Variants in CPAP observed in about 807,000 individuals in gnomAD.
CPAP encodes centrosomal P4.1-associated protein.
the CPAP span, chr13:24,924,945 CTA>C: frequency 2.0e-5 from 3 of 152,088 alleles, no homozygotes; most frequent in Non-Finnish European, 4.4e-5. Flanking sequence ...AAAAGAAAGA[CTA>C]TGTATGAAAA....
At chr13:24,884,313 G>A in the CPAP span, 1 of 1,614,098 alleles carries the variant, frequency 6.2e-7, no homozygotes, top group South Asian at 1.1e-5. Flanking sequence ...GAACACCTCT[G>A]GAAACATACC....
the CPAP span, among the ~76,000 whole-genome samples, chr13:24,918,741 T>A: frequency 0.022 from 3,412 of 152,264 alleles, 106 homozygotes; most frequent in East Asian, 0.081. Flanking sequence ...TTTATGATGA[T>A]CCACTTCCAC....
the CPAP span, among the ~76,000 whole-genome samples, chr13:24,894,668 A>T: frequency 1.3e-5 from 2 of 152,110 alleles, no homozygotes; most frequent in African/African-American, 4.8e-5. Flanking sequence ...AATGCCAGCC[A>T]GCGGTAAGGA....
At chr13:24,897,567 A>C in the CPAP span, among the ~76,000 whole-genome samples, 1 of 152,244 alleles carries the variant, frequency 6.6e-6, no homozygotes, top group Non-Finnish European at 1.5e-5. Flanking sequence ...ACAGAAATAC[A>C]TAGTGCTTAG....
chr13:24,912,965 T>A, the CPAP span: 7,505 of 1,614,092 alleles, frequency 4.6e-3, 260 homozygotes, highest in East Asian at 0.1. Context: ...GGATTGGTCA[T>A]CCACTGGGTT....
chr13:24,906,704 C>T, the CPAP span: 3 of 1,614,090 alleles, frequency 1.9e-6, no homozygotes, highest in Non-Finnish European at 2.5e-6. Flanking sequence ...ACTCTTGGTT[C>T]TAGCTTTACT....
the CPAP span, chr13:24,884,161 C>CTATT: frequency 5.0e-6 from 8 of 1,613,866 alleles, no homozygotes; most frequent in Non-Finnish European, 6.8e-6. Context: ...AAGTTTGTAC[C>CTATT]TATTTGTCCA....
chr13:24,906,675 G>A, the CPAP span: 1 of 1,614,168 alleles, frequency 6.2e-7, no homozygotes, highest in Non-Finnish European at 8.5e-7. Context: ...TTCGGCTTCT[G>A]ACTGAGGGTG....
chr13:24,892,575 A>C, the CPAP span: 1 of 1,232,166 alleles, frequency 8.1e-7, no homozygotes, highest in Non-Finnish European at 1.2e-6. Context: ...TTCTGACTCT[A>C]TGAATTTGAA....
the CPAP span, chr13:24,885,597 G>C: frequency 2.5e-6 from 4 of 1,591,842 alleles, no homozygotes; most frequent in Non-Finnish European, 8.6e-7. Flanking sequence ...TATAAAAACA[G>C]AGATTTACTT....
chr13:24,909,784 G>A, the CPAP span: 4 of 1,607,980 alleles, frequency 2.5e-6, no homozygotes, highest in South Asian at 3.3e-5. Flanking sequence ...AACATAAGTA[G>A]CTCACCTGTA....
At chr13:24,907,164 T>C in the CPAP span, 2 of 1,613,776 alleles carry the variant, frequency 1.2e-6, no homozygotes, top group Non-Finnish European at 1.7e-6. Context: ...AAAGGTCTGT[T>C]TCCTTTCTCC....
the CPAP span, among the ~76,000 whole-genome samples, chr13:24,893,049 C>T: frequency 6.6e-6 from 1 of 152,090 alleles, no homozygotes; most frequent in Non-Finnish European, 1.5e-5. Flanking sequence ...ATCAGAGTCT[C>T]ACCGCAGACC....
At chr13:24,884,465 T>TA in the CPAP span, 1 of 1,613,954 alleles carries the variant, frequency 6.2e-7, no homozygotes, top group Non-Finnish European at 8.5e-7. Flanking sequence ...CTTTTCCACC[T>TA]AAAAAACCAA....
the CPAP span, among the ~76,000 whole-genome samples, chr13:24,897,890 G>T: frequency 1.3e-5 from 2 of 152,124 alleles, no homozygotes; most frequent in African/African-American, 4.8e-5. Flanking sequence ...TGTGACAAAG[G>T]TATGATAATT....
the CPAP span, chr13:24,925,746 G>T: frequency 6.5e-6 from 1 of 152,676 alleles, no homozygotes; most frequent in Non-Finnish European, 1.5e-5. Context: ...CCTCCAGGGA[G>T]AATAAGCTGA....
At chr13:24,914,260 C>T in the CPAP span, among the ~76,000 whole-genome samples, 216 of 152,242 alleles carry the variant, frequency 1.4e-3, no homozygotes, top group African/African-American at 5.0e-3. Context: ...ACCCAGCCTT[C>T]CTAACCTTCA....
the CPAP span, chr13:24,912,005 C>A: frequency 6.2e-7 from 1 of 1,614,114 alleles, no homozygotes; most frequent in Admixed American, 1.7e-5. Flanking sequence ...TTCCATGAGT[C>A]TCTGTAGTTG....
At chr13:24,922,680 G>A in the CPAP span, 4 of 152,276 alleles carry the variant, frequency 2.6e-5, no homozygotes, top group Admixed American at 2.0e-4. Context: ...TCCGAGCAGA[G>A]TCCTGCCCGC....
Sources: gnomAD v4.1 joint callset for allele counts (sites outside exome capture counted in the v4.1 genomes callset) on GRCh38, gnomAD v4.1.1 for gene constraint, MANE v1.5 for transcripts, NCBI Gene and HGNC (gene_info 2026-07-23, HGNC 2026-07-21) for gene names.